Variants in CEP128 observed in about 807,000 individuals in gnomAD.
CEP128 encodes centrosomal protein 128kDa.
CEP128 carries 132 observed loss-of-function variants against 156.7 expected under a neutral mutation model. That is an observed-to-expected ratio of 0.84 (90% CI 0.73 to 0.97). The LOEUF is 0.97. CEP128 is among the 50% of genes least tolerant of loss of function. The pLI is 0.00. For synonymous variants in CEP128, 469 were observed against 448.9 expected (o/e 1.04, Z -0.57); for missense variants, 1,252 against 1,281.9 (o/e 0.98, Z 0.36).
chr14:80,719,110 C>T (rs1420441831), intron 19 of CEP128, among the ~76,000 whole-genome samples: 1 of 152,154 alleles, frequency 6.6e-6, no homozygotes, highest in Non-Finnish European at 1.5e-5. Context: ...AAGACACTCC[C>T]ACCAGTGCAA....
At chr14:80,862,707 TAAACATC>T (rs754218628) in intron 9 of CEP128, 43 bp downstream of exon 9, 2 of 1,243,248 alleles carry the variant, frequency 1.6e-6, no homozygotes, top group African/African-American at 2.9e-5. Flanking sequence ...CATGGCTAAA[TAAACATC>T]CAAATTCAAG....
chr14:80,877,662 G>A (rs1888346351), intron 8 of CEP128, among the ~76,000 whole-genome samples: 1 of 152,134 alleles, frequency 6.6e-6, no homozygotes, highest in Non-Finnish European at 1.5e-5. Flanking sequence ...GGAAGGAAAG[G>A]AATCACCTTG....
At chr14:80,864,177 T>C (rs938918310) in intron 8 of CEP128, among the ~76,000 whole-genome samples, 4 of 152,204 alleles carry the variant, frequency 2.6e-5, no homozygotes, top group African/African-American at 9.6e-5. Context: ...AAGAATACAA[T>C]ATATAATACA....
At chr14:80,938,544 G>T (rs978336461) in intron 2 of CEP128, among the ~76,000 whole-genome samples, 2 of 152,088 alleles carry the variant, frequency 1.3e-5, no homozygotes, top group Non-Finnish European at 2.9e-5. Context: ...ACCGCGCCCG[G>T]CCACACAGTA....
chr14:80,600,875 T>A (rs573475555), intron 19 of CEP128, among the ~76,000 whole-genome samples: 3 of 149,874 alleles, frequency 2.0e-5, no homozygotes, highest in Non-Finnish European at 3.0e-5. Flanking sequence ...AAAGGAAATA[T>A]AAGGTAACAG....
chr14:80,643,193 A>C (rs1894494102), intron 19 of CEP128, among the ~76,000 whole-genome samples: 1 of 152,232 alleles, frequency 6.6e-6, no homozygotes, highest in Admixed American at 6.5e-5. Flanking sequence ...TCAAGTGGCA[A>C]AAAACAGTGC....
chr14:80,484,335 A>G (rs1887114410), intron 14 of CEP128, among the ~76,000 whole-genome samples: 1 of 152,202 alleles, frequency 6.6e-6, no homozygotes, highest in Admixed American at 6.5e-5. Flanking sequence ...GCTACTAATT[A>G]TAAAATGCAT....
intron 8 of CEP128, among the ~76,000 whole-genome samples, chr14:80,882,781 G>C (rs1370308463): frequency 6.6e-6 from 1 of 152,088 alleles, no homozygotes; most frequent in Non-Finnish European, 1.5e-5. Context: ...TGGAACTGGA[G>C]GTCAAATTAG....
chr14:80,720,562 T>A lies in CEP128; in HGVS notation c.2806+22513A>T, dbSNP rs891919377. On this transcript the variant is annotated intron_variant, in intron 19 of 24. Transcript: ENST00000555265. ...CCTTAATAAAGCAGGAATAAAAATATCCACATCAAATGGAAGATTGTCCGA... is the reference window on the plus strand; with the variant it reads ...CCTTAATAAAGCAGGAATAAAAATAACCACATCAAATGGAAGATTGTCCGA... Among the ~76,000 whole-genome samples, 16 of 152,278 alleles carry A rather than the reference T, an allele frequency of 1.1e-4. 2 individuals are homozygous for A. The South Asian group carries it at 3.3e-3, about 32-fold the overall frequency.
intron 19 of CEP128, among the ~76,000 whole-genome samples, chr14:80,711,215 T>C (rs550916709): frequency 1.3e-5 from 2 of 152,166 alleles, no homozygotes; most frequent in African/African-American, 4.8e-5. Flanking sequence ...AATCCTGTAT[T>C]ACTTGCCCTT....
intron 19 of CEP128, among the ~76,000 whole-genome samples, chr14:80,733,699 T>C (rs1288702566): frequency 6.6e-6 from 1 of 152,176 alleles, no homozygotes; most frequent in Non-Finnish European, 1.5e-5. Flanking sequence ...ACATAGAATA[T>C]GTTGATGTCC....
intron 14 of CEP128, among the ~76,000 whole-genome samples, chr14:80,786,956 G>A (rs17111093): frequency 0.098 from 14,834 of 152,076 alleles, 1,243 homozygotes; most frequent in East Asian, 0.44. Context: ...GTGAAAAGAC[G>A]GGATAACTGA....
At chr14:80,632,895 A>G (rs950370501) in intron 19 of CEP128, among the ~76,000 whole-genome samples, 1 of 152,264 alleles carries the variant, frequency 6.6e-6, no homozygotes, top group South Asian at 2.1e-4. Flanking sequence ...GAATGAGTGA[A>G]AGGGCTATTG....
At chr14:80,919,970 G>A (rs1212423075) in intron 2 of CEP128, among the ~76,000 whole-genome samples, 1 of 152,022 alleles carries the variant, frequency 6.6e-6, no homozygotes, top group African/African-American at 2.4e-5. Flanking sequence ...AAATTTGCAT[G>A]GCTTTTTTTA....
rs1455312615 is a variant in CEP128, at chr14:80,663,707, G to A, written c.2806+79368C>T. Among the ~76,000 whole-genome samples, 9 of 152,138 alleles carry A rather than the reference G, an allele frequency of 5.9e-5. No individual in the cohort carries two copies. The East Asian group carries it at 7.7e-4, about 13-fold the overall frequency. ...CTCACAACTCCATGAGGTTGGCATCGTTTCCCTAACCCCCCTACAAGGGAG... is the reference window on the plus strand; with the variant it reads ...CTCACAACTCCATGAGGTTGGCATCATTTCCCTAACCCCCCTACAAGGGAG... On this transcript the variant is annotated intron_variant, in intron 19 of 24. Transcript: ENST00000555265.
At chr14:80,957,426 A>T (rs1174555072) in intron 2 of CEP128, among the ~76,000 whole-genome samples, 1 of 151,992 alleles carries the variant, frequency 6.6e-6, no homozygotes, top group Non-Finnish European at 1.5e-5. Context: ...TCAACCCCGA[A>T]TTCCTGAAAC....
chr14:80,528,556 G>C (rs1191853110), intron 22 of CEP128, among the ~76,000 whole-genome samples: 2 of 152,228 alleles, frequency 1.3e-5, no homozygotes, highest in African/African-American at 4.8e-5. Flanking sequence ...CCAAAGTGCT[G>C]AGATTACAGG....
intron 21 of CEP128, among the ~76,000 whole-genome samples, chr14:80,534,293 T>A (rs1054400843): frequency 6.6e-6 from 1 of 152,190 alleles, no homozygotes; most frequent in Non-Finnish European, 1.5e-5. Context: ...TACTTAAGAT[T>A]TCAAAATTAT....
intron 8 of CEP128, among the ~76,000 whole-genome samples, chr14:80,884,075 C>A (rs942482584): frequency 1.3e-5 from 2 of 152,122 alleles, no homozygotes; most frequent in Non-Finnish European, 2.9e-5. Context: ...AAAATCAAAT[C>A]ACATAGATTA....
Sources: gnomAD v4.1 joint callset for allele counts (sites outside exome capture counted in the v4.1 genomes callset) on GRCh38, gnomAD v4.1.1 for gene constraint, MANE v1.5 for transcripts, NCBI Gene and HGNC (gene_info 2026-07-23, HGNC 2026-07-21) for gene names.